Variants in RASGRF1 observed in about 807,000 individuals in gnomAD.
The protein encoded by RASGRF1 is ras-specific guanine nucleotide-releasing factor 1.
RASGRF1 carries 40 observed loss-of-function variants against 138.7 expected under a neutral mutation model. The ratio of observed to expected loss-of-function variants is 0.29; its 90% CI spans 0.22 to 0.38. The LOEUF (loss-of-function observed/expected upper bound fraction) is 0.38. RASGRF1 is among the 10% of genes least tolerant of loss of function. RASGRF1 has a pLI of 1.00. For missense variants in RASGRF1, 1,108 were observed against 1,650.4 expected, an observed-to-expected ratio of 0.67 and a Z score of 5.69; for synonymous variants, 614 against 663.2, an observed-to-expected ratio of 0.93 and a Z score of 1.14.
At position 79,046,893 on chromosome 15, in the gene RASGRF1, A is replaced by G; in HGVS notation, c.731T>C (p.Val244Ala). 6.2e-7 allele frequency: 1 copy of G among 1,614,148 alleles called. No individual in the cohort carries two copies. The highest frequency in any genetic ancestry group is 8.5e-7 in the Non-Finnish European group (1 of 1,180,022). The change falls in exon 5 of 27, where the codon GTG (valine) becomes GCG (alanine). Residue 244 changes from valine to alanine, a missense_variant. By Grantham distance (64) the Val-to-Ala change is moderately conservative. Around this residue, in one of 3 missense-constraint regions of RASGRF1, gnomAD observed 253 missense variants for 329.5 expected, o/e 0.77. Coordinates refer to ENST00000558480, the MANE Select transcript of RASGRF1 (RefSeq NM_001145648.3). The surrounding 1 kb of genome is among the most constrained non-coding windows in gnomAD (Gnocchi z 5.3). ...CTCAGCCTCCAGCATGCTGAACACC[A>G]CCTGGTTCCTCTTGCGCATGCTGTC... ...HADSMRKRNQVVFSMLEAEAE... is the reference protein window; with the variant it reads ...HADSMRKRNQAVFSMLEAEAE...
At chr15:79,089,554 A>G (rs2058025581) in intron 1 of RASGRF1, among the ~76,000 whole-genome samples, 1 of 152,222 alleles carries the variant, frequency 6.6e-6, no homozygotes, top group Non-Finnish European at 1.5e-5. Flanking sequence ...CCTCCGCAGC[A>G]GCCCTGGCCC....
chr15:79,032,143 G>A lies in RASGRF1; in HGVS notation c.1132C>T (p.Leu378Phe). ...GCCACCTGGAACATGGGGTAGGTGA[G>A]GAAGGTCTCCAGCGTCCTCTCCTCG... ...DCEERTLETFLTYPMFQIPRY... is the reference protein window; with the variant it reads ...DCEERTLETFFTYPMFQIPRY... Residue 378 changes from leucine to phenylalanine, a missense_variant, in exon 7 of 27, where the codon CTC becomes TTC. By Grantham distance (22) the Leu-to-Phe change is conservative. Coordinates refer to ENST00000558480, the MANE Select transcript of RASGRF1 (RefSeq NM_001145648.3). The surrounding 1 kb of genome is among the most constrained non-coding windows in gnomAD (Gnocchi z 4.5). The A allele has an allele frequency of 6.2e-7, 1 of 1,613,972 alleles. No individual in the cohort carries two copies. Among genetic ancestry groups the A allele is most frequent in the Non-Finnish European group, 8.5e-7 (1 of 1,179,908 alleles).
chr15:79,069,749 T>C lies in RASGRF1; in HGVS notation c.277-5223A>G, dbSNP rs1239089123. On this transcript the variant is annotated intron_variant, in intron 1 of 26. Transcript: ENST00000558480. The stretch of plus-strand genomic sequence containing the variant: ...AGAAGGGACTTCCTATTGCTTCTTC[T>C]TGGGTCCTTGAGGTGCCTGGGCTGA... 2.0e-5 allele frequency among the ~76,000 whole-genome samples: 3 copies of C among 152,226 alleles called. No homozygotes were observed. In the South Asian group the frequency reaches 6.2e-4, roughly 32 times the overall value.
intron 19 of RASGRF1, chr15:78,997,889 G>A: frequency 1.7e-6 from 1 of 582,762 alleles, no homozygotes; most frequent in Non-Finnish European, 3.1e-6. Flanking sequence ...GGCGCAGGGT[G>A]GGGAGAGAGG....
intron 1 of RASGRF1, among the ~76,000 whole-genome samples, chr15:79,082,125 C>G (rs2057921767): frequency 1.3e-5 from 2 of 152,220 alleles, no homozygotes; most frequent in South Asian, 4.1e-4. Flanking sequence ...AAAGATTTTT[C>G]TGGCTGCAGA....
chr15:79,041,314 C>T (rs766054583), intron 5 of RASGRF1, among the ~76,000 whole-genome samples: 5 of 152,226 alleles, frequency 3.3e-5, no homozygotes, highest in Admixed American at 1.3e-4. Context: ...GTCCACCCAC[C>T]CCTGTGCAAT....
rs1225204225 is a variant in RASGRF1, at chr15:79,035,351, G to T, written c.879-141C>A. On this transcript the variant is annotated intron_variant, in intron 5 of 26. Transcript: ENST00000558480. ...CTTAACGTGAAAACTGCACCGGCAG[G>T]ATGGATCATATAATCTGGGGGTGCC... 6.1e-5 allele frequency: 39 copies of T among 635,818 alleles called. No homozygotes were observed. The South Asian group carries it at 6.4e-4, about 10-fold the overall frequency. The allele number at this position is 635,818 out of a possible 1,614,324, so 39.4% of individuals were successfully genotyped here. A position where few individuals can be genotyped will look rare whatever the true frequency, so the allele number is the denominator to read the frequency against.
chr15:79,048,861 G>T (rs1348650968), intron 4 of RASGRF1, among the ~76,000 whole-genome samples: 2 of 152,186 alleles, frequency 1.3e-5, no homozygotes, highest in Non-Finnish European at 2.9e-5. Context: ...GGTGAGTCAG[G>T]CTCCCCTGTC....
chr15:79,041,742 A>G (rs2057299673), intron 5 of RASGRF1, among the ~76,000 whole-genome samples: 1 of 152,220 alleles, frequency 6.6e-6, no homozygotes, highest in African/African-American at 2.4e-5. Flanking sequence ...GGGCAGGAGC[A>G]GGACAGAACC....
At chr15:79,052,171 GC>G (rs1170813393) in intron 3 of RASGRF1, among the ~76,000 whole-genome samples, 1 of 151,996 alleles carries the variant, frequency 6.6e-6, no homozygotes, top group Non-Finnish European at 1.5e-5. Context: ...GGCTTTCTTT[GC>G]CCCCTAGAGG....
chr15:79,019,957 C>T (rs1298466714), intron 11 of RASGRF1, 84 bp downstream of exon 11: 19 of 1,537,394 alleles, frequency 1.2e-5, no homozygotes, highest in Non-Finnish European at 1.7e-5. Flanking sequence ...CCCAAAGAAA[C>T]TAATGCCTGG....
At chr15:78,990,549 T>C (rs1483224268) in intron 21 of RASGRF1, among the ~76,000 whole-genome samples, 1 of 152,204 alleles carries the variant, frequency 6.6e-6, no homozygotes, top group Non-Finnish European at 1.5e-5. Context: ...ACAGGTTTAC[T>C]GGGAGGCTGA....
At chr15:79,081,004 G>T (rs1213430129) in intron 1 of RASGRF1, among the ~76,000 whole-genome samples, 2 of 152,216 alleles carry the variant, frequency 1.3e-5, no homozygotes, top group Non-Finnish European at 2.9e-5. Flanking sequence ...CACAGTAACT[G>T]CAGGGTCACT....
chr15:79,002,953 T>A (rs150440830), intron 15 of RASGRF1, among the ~76,000 whole-genome samples: 1 of 152,250 alleles, frequency 6.6e-6, no homozygotes, highest in Admixed American at 6.5e-5. Context: ...TGTGTGCACG[T>A]GCTCTCATGT....
At chr15:78,962,296 G>A (rs1197855318) in intron 26 of RASGRF1, 60 bp from the exon 27 acceptor site, 4 of 1,224,716 alleles carry the variant, frequency 3.3e-6, no homozygotes, top group East Asian at 2.5e-5. Flanking sequence ...AGTACTGATT[G>A]TGGATGCACT....
chr15:78,977,216 T>C (rs1002534301), intron 24 of RASGRF1, among the ~76,000 whole-genome samples: 2 of 152,208 alleles, frequency 1.3e-5, no homozygotes, highest in African/African-American at 2.4e-5. Flanking sequence ...CTCTTCCCTG[T>C]ACTGCCCTGG....
At chr15:79,059,896 G>A (rs1014362986) in intron 2 of RASGRF1, among the ~76,000 whole-genome samples, 1 of 151,534 alleles carries the variant, frequency 6.6e-6, no homozygotes, top group Non-Finnish European at 1.5e-5. Flanking sequence ...AAACTAAATT[G>A]GGAATATGTA....
chr15:79,030,892 G>T (rs1045557500), intron 8 of RASGRF1, among the ~76,000 whole-genome samples: 2 of 152,358 alleles, frequency 1.3e-5, no homozygotes, highest in Admixed American at 1.3e-4. Context: ...TTCCCTCTGG[G>T]CTTCAGGGGC....
rs7170672 is a variant in RASGRF1 at position 78,991,659 on chromosome 15, G to T, written c.3131+32C>A. The T allele has an allele frequency of 1.0e-5, 16 of 1,550,330 alleles. No homozygotes were observed. The South Asian group carries it at 1.1e-4, about 11-fold the overall frequency. Reference sequence around the variant, plus strand: ...TGTCCAAGACAGTGCCTGAGGAAGCGGGGGGAGGCGGGTGGTGCCTGCAAC... The same window carrying T: ...TGTCCAAGACAGTGCCTGAGGAAGCTGGGGGAGGCGGGTGGTGCCTGCAAC... On this transcript the variant is annotated intron_variant, in intron 21 of 26. Coordinates refer to ENST00000558480, the MANE Select transcript of RASGRF1 (RefSeq NM_001145648.3).
Sources: gnomAD v4.1 joint callset for allele counts (sites outside exome capture counted in the v4.1 genomes callset) on GRCh38, gnomAD v4.1.1 for gene constraint, gnomAD v4.1.1 regional missense constraint, Gnocchi (gnomAD v3.1) non-coding constraint, MANE v1.5 for transcripts, NCBI Gene and HGNC (gene_info 2026-07-23, HGNC 2026-07-21) for gene names.